The following PRDM8 variants were observed in gnomAD, a reference collection of about 807,000 sequenced individuals.
PRDM8 encodes PR/SET domain 8.
In PRDM8, 13 loss-of-function variants were observed where a neutral mutation model predicts 46.5. The observed-to-expected ratio is 0.28, with a 90% confidence interval of 0.18 to 0.44. The LOEUF is 0.44. PRDM8 is among the 20% of genes least tolerant of loss of function. The pLI is 1.00. For missense variants in PRDM8, 998 were observed against 955.0 expected, an observed-to-expected ratio of 1.04 and a Z score of -0.59; for synonymous variants, 473 against 438.4, an observed-to-expected ratio of 1.08 and a Z score of -0.98.
upstream of PRDM8, chr4:80,197,086 C>A: frequency 1.0e-6 from 1 of 985,496 alleles, no homozygotes; most frequent in South Asian, 4.7e-5. Context: ...TAACCGCACC[C>A]CTCTCCCTTT....
At position 80,203,432 on chromosome 4, in the gene PRDM8, T is replaced by G; in HGVS notation, c.1970T>G (p.Leu657Trp). 6.2e-7 allele frequency: 1 copy of G among 1,613,474 alleles called. No homozygotes were observed. Among genetic ancestry groups the G allele is most frequent in the Non-Finnish European group, 8.5e-7 (1 of 1,179,824 alleles). The part of the protein sequence containing the change: ...HHKKEYAMEP[L>W]VKRRREEKLK... Reference sequence around the variant, plus strand: ...AAAAAGGAGTATGCGATGGAGCCCTTGGTGAAGCGGCGGCGAGAGGAGAAA... The same window carrying G: ...AAAAAGGAGTATGCGATGGAGCCCTGGGTGAAGCGGCGGCGAGAGGAGAAA... The change falls in exon 4 of 4, where the codon TTG (leucine) becomes TGG (tryptophan). Residue 657 changes from leucine (L) to tryptophan (W), a missense_variant. Transcript: ENST00000415738.
At chr4:80,188,592 A>G (rs1336438532) in intron 1 of PRDM8, among the ~76,000 whole-genome samples, 1 of 152,214 alleles carries the variant, frequency 6.6e-6, no homozygotes, top group Non-Finnish European at 1.5e-5. Flanking sequence ...TTCAGACCTG[A>G]GTGTTCAAAA....
intron 1 of PRDM8, among the ~76,000 whole-genome samples, chr4:80,199,398 C>G (rs971550066): frequency 7.2e-5 from 11 of 152,056 alleles, no homozygotes; most frequent in Non-Finnish European, 1.6e-4. Context: ...TAATTAAAGC[C>G]TCAGAGGAAC....
At chr4:80,199,707 A>ATGTGTGTGTGTGTGTGTGTG (rs201992799) in intron 1 of PRDM8, among the ~76,000 whole-genome samples, 4 of 90,624 alleles carry the variant, frequency 4.4e-5, no homozygotes, top group African/African-American at 1.2e-4. Context: ...ATATATATAT[A>ATGTGTGTGTGTGTGTGTGTG]TATGTGTGTG....
At position 80,200,165 on chromosome 4, in the gene PRDM8, G is replaced by A. The variant is rs199585477; in HGVS notation, c.85G>A (p.Val29Ile). ...QQCLTDIFTS[V>I]YTTCDIPENA... is the part of the protein sequence containing the mutation. Reference sequence around the variant, plus strand: ...ATGTCTGACAGATATTTTTACCAGCGTTTACACCACCTGCGACATCCCTGA... The same window carrying A: ...ATGTCTGACAGATATTTTTACCAGCATTTACACCACCTGCGACATCCCTGA... The change falls in exon 2 of 4, where the codon GTT becomes ATT. Residue 29 changes from valine (V) to isoleucine (I), a missense_variant. Val to Ile is a conservative substitution (Grantham distance 29). Coordinates refer to ENST00000415738, the MANE Select transcript of PRDM8 (RefSeq NM_001099403.2). 30 of 1,614,090 alleles carry A rather than the reference G, an allele frequency of 1.9e-5. No homozygotes were observed. Among genetic ancestry groups the A allele is most frequent in the African/African-American group, 8.0e-5 (6 of 75,004 alleles).
chr4:80,190,223 C>T (rs571000015), intron 1 of PRDM8: 1 of 152,282 alleles, frequency 6.6e-6, no homozygotes, highest in East Asian at 1.9e-4. Context: ...CAGGCCCCGC[C>T]CTTGGAACGC....
rs2109881638 is a variant in PRDM8 at position 80,204,154 on chromosome 4, T to C, written c.*622T>C. ...TGATAATGGACTTCAATGAAGAATGTCATCAATTATGTACATATGTATTTT... is the reference window on the plus strand; with the variant it reads ...TGATAATGGACTTCAATGAAGAATGCCATCAATTATGTACATATGTATTTT... On this transcript the variant is annotated 3_prime_UTR_variant, in exon 4 of 4. Transcript: ENST00000415738. 6.5e-6 allele frequency: 1 copy of C among 152,786 alleles called. No individual in the cohort carries two copies. Among genetic ancestry groups the C allele is most frequent in the East Asian group, 1.9e-4 (1 of 5,182 alleles). The allele number at this position is 152,786 out of a possible 1,614,324, so 9.5% of individuals were successfully genotyped here. A position where few individuals can be genotyped will look rare whatever the true frequency, so the allele number is the denominator to read the frequency against.
intron 1 of PRDM8, among the ~76,000 whole-genome samples, chr4:80,189,023 G>C (rs187105030): frequency 5.8e-4 from 88 of 152,324 alleles, no homozygotes; most frequent in African/African-American, 2.0e-3. Flanking sequence ...TGGGTGTGTA[G>C]GGGAGGGCTG....
At chr4:80,191,626 T>C (rs1049286364) in intron 2 of PRDM8, 1 of 152,230 alleles carries the variant, frequency 6.6e-6, no homozygotes, top group Non-Finnish European at 1.5e-5. Flanking sequence ...GACATGTTGA[T>C]CTTTGAATTT....
chr4:80,203,093 C>G lies in PRDM8; in HGVS notation c.1631C>G (p.Pro544Arg). The G allele has an allele frequency of 6.4e-7, 1 of 1,573,202 alleles. No individual in the cohort carries two copies. Among genetic ancestry groups the G allele is most frequent in the Non-Finnish European group, 8.6e-7 (1 of 1,168,534 alleles). Residue 544 changes from proline to arginine, a missense_variant, in exon 4 of 4, where the codon CCT becomes CGT. Pro to Arg is a moderately radical substitution (Grantham distance 103). Transcript: ENST00000415738. ...AGACTCTATCCCGCCGCCGCGGACC[C>G]TCTAGCGGTGAAGCTCCAGGGGGCC... ...PTRLYPAAAD[P>R]LAVKLQGAAD...
In PRDM8 at chr4:80,201,911, C is replaced by T. The variant is rs749545671; in HGVS notation, c.452-3C>T. The stretch of plus-strand genomic sequence containing the variant: ...GTGTGTGTGGTGTTTGCTCACTAAG[C>T]AGGGTCGTCCCCTTACACATGCCTG... On this transcript the variant is annotated splice_polypyrimidine_tract_variant and splice_region_variant and intron_variant, in intron 3 of 3. Coordinates refer to ENST00000415738, the MANE Select transcript of PRDM8 (RefSeq NM_001099403.2). 6.2e-7 allele frequency: 1 copy of T among 1,613,676 alleles called. No homozygotes were observed.
In PRDM8 at chr4:80,201,519, A is replaced by G; in HGVS notation, c.449A>G (p.Asn150Ser). ...LCPSRSHNKMNGSSPYTCLEC... is the reference protein window; with the variant it reads ...LCPSRSHNKMSGSSPYTCLEC... The stretch of plus-strand genomic sequence containing the variant: ...CCCTCTAGATCCCACAACAAAATGA[A>G]TGGTAGGTTGGCTCGCGACCGGCGT... Residue 150 changes from asparagine (N) to serine (S), a missense_variant and splice_region_variant, in exon 3 of 4, where the codon AAT (asparagine) becomes AGT (serine). Coordinates refer to ENST00000415738, the MANE Select transcript of PRDM8 (RefSeq NM_001099403.2). 6.2e-7 allele frequency: 1 copy of G among 1,613,406 alleles called. No individual in the cohort carries two copies. Among genetic ancestry groups the G allele is most frequent in the Admixed American group, 1.7e-5 (1 of 60,016 alleles).
Position 80,203,012 on chromosome 4 carries a change from G to A in PRDM8, c.1550G>A (p.Gly517Asp). The change falls in exon 4 of 4, where the codon GGC (glycine) becomes GAC (aspartate). Residue 517 changes from glycine (G) to aspartate (D), a missense_variant. Transcript: ENST00000415738. ...TCGCAGCTGTCCCCGCTGGTGCTGG[G>A]CCAGAAGCTGGGCGCGCTCGAGCCA... The part of the protein sequence containing the change: ...SFSQLSPLVL[G>D]QKLGALEPCH... 1 of 1,529,046 alleles carries A rather than the reference G, an allele frequency of 6.5e-7. No individual in the cohort carries two copies. The highest frequency in any genetic ancestry group is 8.7e-7 in the Non-Finnish European group (1 of 1,147,402). 94.7% of individuals were successfully genotyped at this position (1,529,046 alleles called of 1,614,324 possible).
rs1738789377 is a variant in PRDM8 at position 80,203,909 on chromosome 4, T to C, written c.*377T>C. 1 of 161,942 alleles carries C rather than the reference T, an allele frequency of 6.2e-6. No homozygotes were observed. 10.0% of individuals were successfully genotyped at this position (161,942 alleles called of 1,614,324 possible). On this transcript the variant is annotated 3_prime_UTR_variant, in exon 4 of 4. Coordinates refer to ENST00000415738, the MANE Select transcript of PRDM8 (RefSeq NM_001099403.2). ...CATATATTGCAACATATTGATGCAT[T>C]TGTCATACGTTTCTACTTAAATTAT...
chr4:80,204,172 T>A lies in PRDM8; in HGVS notation c.*640T>A, dbSNP rs1443913102. 3 of 152,686 alleles carry A rather than the reference T, an allele frequency of 2.0e-5. No individual in the cohort carries two copies. The highest frequency in any genetic ancestry group is 4.4e-5 in the Non-Finnish European group (3 of 68,042). The allele number at this position is 152,686 out of a possible 1,614,324, so 9.5% of individuals were successfully genotyped here. ...AAGAATGTCATCAATTATGTACATA[T>A]GTATTTTCTTTTAATACAAAGTGTA... On this transcript the variant is annotated 3_prime_UTR_variant, in exon 4 of 4. Coordinates refer to ENST00000415738, the MANE Select transcript of PRDM8 (RefSeq NM_001099403.2).
rs1738607419 is a variant in PRDM8, at chr4:80,202,668, G to A, written c.1206G>A (p.Gly402=). The A allele has an allele frequency of 3.5e-6, 5 of 1,449,154 alleles. No individual in the cohort carries two copies. The highest frequency in any genetic ancestry group is 4.5e-6 in the Non-Finnish European group (5 of 1,105,746). The allele number at this position is 1,449,154 out of a possible 1,614,324, so 89.8% of individuals were successfully genotyped here. A position where few individuals can be genotyped will look rare whatever the true frequency, so the allele number is the denominator to read the frequency against. Residue 402 remains glycine (G), a synonymous_variant, in exon 4 of 4, where the codon GGG becomes GGA. Coordinates refer to ENST00000415738, the MANE Select transcript of PRDM8 (RefSeq NM_001099403.2). The stretch of plus-strand genomic sequence containing the variant: ...GCGCGGCCAGCCTGCAGGAGGAGGG[G>A]ACAGCCGACGGCGCGGGAGTCGCCT... ...AARAASLQEE[G]TADGAGVASE...
chr4:80,187,678 C>T (rs747461187), intron 1 of PRDM8, among the ~76,000 whole-genome samples: 3 of 152,120 alleles, frequency 2.0e-5, no homozygotes, highest in Non-Finnish European at 4.4e-5. Flanking sequence ...AGGTTTGCTC[C>T]GCGTCTGTTG....
chr4:80,202,982 C>G lies in PRDM8; in HGVS notation c.1520C>G (p.Ser507Cys). The G allele has an allele frequency of 6.6e-7, 1 of 1,505,388 alleles. No individual in the cohort carries two copies. Among genetic ancestry groups the G allele is most frequent in the South Asian group, 1.2e-5 (1 of 81,212 alleles). The allele number at this position is 1,505,388 out of a possible 1,614,324, so 93.3% of individuals were successfully genotyped here. The change falls in exon 4 of 4, where the codon TCT becomes TGT. Residue 507 changes from serine (S) to cysteine (C), a missense_variant. Physicochemically the swap from Ser to Cys is moderately radical, Grantham distance 112. Coordinates refer to ENST00000415738, the MANE Select transcript of PRDM8 (RefSeq NM_001099403.2). ...RKSAFSQPAR[S>C]FSQLSPLVLG... ...AGCGCCTTCTCGCAGCCAGCACGCT[C>G]TTTCTCGCAGCTGTCCCCGCTGGTG...
In PRDM8 at chr4:80,203,959, T is replaced by C. The variant is rs1423772261; in HGVS notation, c.*427T>C. The C allele has an allele frequency of 6.5e-6, 1 of 153,408 alleles. No individual in the cohort carries two copies. The highest frequency in any genetic ancestry group is 2.4e-5 in the African/African-American group (1 of 41,440). The allele number at this position is 153,408 out of a possible 1,614,324, so 9.5% of individuals were successfully genotyped here. On this transcript the variant is annotated 3_prime_UTR_variant, in exon 4 of 4. Transcript: ENST00000415738. ...TTAAGCACTTACGATTTAGATGTAA[T>C]AATTATATGTAAGGGCAAAATTTAT...
Sources: allele counts gnomAD v4.1 joint callset (sites outside exome capture counted in the v4.1 genomes callset), GRCh38; gene constraint gnomAD v4.1.1; transcripts MANE v1.5; gene names NCBI Gene and HGNC (gene_info 2026-07-23, HGNC 2026-07-21).